Variants in SALL1 observed in about 807,000 individuals in gnomAD.
SALL1 encodes the protein spalt like transcription factor 1, also known as sal-like protein 1.
A neutral mutation model predicts 73.1 loss-of-function variants in SALL1; 10 were observed. That is an observed-to-expected ratio of 0.14 (90% CI 0.08 to 0.23). The LOEUF (loss-of-function observed/expected upper bound fraction) is 0.23. SALL1 is among the 10% of genes least tolerant of loss of function. The probability of loss-of-function intolerance (pLI) is 1.00; values close to 1 mark genes in which losing one functional copy is unlikely to be tolerated. For synonymous variants in SALL1, 688 were observed against 689.8 expected, an observed-to-expected ratio of 1.00 and a Z score of 0.04; for missense variants, 1,520 against 1,697.3, an observed-to-expected ratio of 0.90 and a Z score of 1.84.
Position 51,151,223 on chromosome 16 carries a change from C to A in SALL1, c.19G>T (p.Ala7Ser). The A allele has an allele frequency of 6.2e-7, 1 of 1,601,222 alleles. No homozygotes were observed. Among genetic ancestry groups the A allele is most frequent in the Non-Finnish European group, 8.5e-7 (1 of 1,175,158 alleles). ...TCGGATTGGAAATGTTGAGGCTTCG[C>A]TTGCTTCCTCCGCGACATGCTGGCT... MSRRKQ[A>S]KPQHFQSDPE... Residue 7 changes from alanine (A) to serine (S), a missense_variant, in exon 1 of 3, where the codon GCG becomes TCG. By Grantham distance (99) the Ala-to-Ser change is moderately conservative. Transcript: ENST00000251020.
Position 51,141,730 on chromosome 16 carries a change from G to A in SALL1, c.492C>T (p.Ser164=). 1 of 1,612,762 alleles carries A rather than the reference G, an allele frequency of 6.2e-7. No homozygotes were observed. The highest frequency in any genetic ancestry group is 8.5e-7 in the Non-Finnish European group (1 of 1,179,806). Residue 164 remains serine (S), a synonymous_variant, in exon 2 of 3, where the codon AGC becomes AGT. Coordinates refer to ENST00000251020, the MANE Select transcript of SALL1 (RefSeq NM_002968.3). This position sits in a 1 kb window ranked among gnomAD's most constrained non-coding sequence, Gnocchi z 5.4. The stretch of plus-strand genomic sequence containing the variant: ...TGATCGCTGAGGTACCTGTGGAGGA[G>A]CTGCCGCCGCCGCCGCTGCTGCTGC... ...SSSSSSGGGG[S]SSTGTSAITT...
chr16:51,141,852 A>T lies in SALL1; in HGVS notation c.370T>A (p.Ser124Thr), dbSNP rs762134851. 1.2e-6 allele frequency: 2 copies of T among 1,610,020 alleles called. No individual in the cohort carries two copies. Among genetic ancestry groups the T allele is most frequent in the African/African-American group, 2.7e-5 (2 of 73,374 alleles). The change falls in exon 2 of 3, where the codon TCC becomes ACC. Residue 124 changes from serine (S) to threonine (T), a missense_variant. Coordinates refer to ENST00000251020, the MANE Select transcript of SALL1 (RefSeq NM_002968.3). The surrounding 1 kb of genome is among the most constrained non-coding windows in gnomAD (Gnocchi z 5.4). ...GCAACCGGGGCCTCCACCTCCATGG[A>T]CTCTTCCCTGTCAAGTCCGTTGTGT... ...SEHNGLDREESMEVEAPVANK... is the reference protein window; with the variant it reads ...SEHNGLDREETMEVEAPVANK...
intron 1 of SALL1, among the ~76,000 whole-genome samples, chr16:51,142,686 G>A (rs1217025599): frequency 2.0e-5 from 3 of 152,074 alleles, no homozygotes; most frequent in African/African-American, 4.8e-5. Context: ...ATCACCTCAA[G>A]CCCCTACCTC....
At position 51,140,339 on chromosome 16, in the gene SALL1, C is replaced by G. The variant is rs1308467261; in HGVS notation, c.1883G>C (p.Gly628Ala). 1 of 1,613,982 alleles carries G rather than the reference C, an allele frequency of 6.2e-7. No individual in the cohort carries two copies. Among genetic ancestry groups the G allele is most frequent in the Non-Finnish European group, 8.5e-7 (1 of 1,180,036 alleles). ...PPSGGKSEES[G>A]MVTNSVPTAS... is the part of the protein sequence containing the mutation. ...CGTCGGGACTGAGTTGGTGACCATG[C>G]CACTCTCTTCGCTTTTGCCACCAGA... Residue 628 changes from glycine to alanine, a missense_variant, in exon 2 of 3, where the codon GGC becomes GCC. By Grantham distance (60) the Gly-to-Ala change is moderately conservative (BLOSUM62 0). Transcript: ENST00000251020. The surrounding 1 kb of genome is among the most constrained non-coding windows in gnomAD (Gnocchi z 5.7).
In SALL1 at chr16:51,141,729, A is replaced by AGCTGCCGCCGCCGCC; in HGVS notation, c.478_492dup (p.Gly160_Ser164dup). 6.2e-7 allele frequency: 1 copy of AGCTGCCGCCGCCGCC among 1,612,222 alleles called. No individual in the cohort carries two copies. The highest frequency in any genetic ancestry group is 8.5e-7 in the Non-Finnish European group (1 of 1,179,750). ...GTGATCGCTGAGGTACCTGTGGAGG[A>AGCTGCCGCCGCCGCC]GCTGCCGCCGCCGCCGCTGCTGCTG... On this transcript the variant is annotated inframe_insertion, in exon 2 of 3. Transcript: ENST00000251020. The surrounding 1 kb of genome is among the most constrained non-coding windows in gnomAD (Gnocchi z 5.4).
upstream of SALL1, chr16:51,151,322 C>A: frequency 2.8e-6 from 3 of 1,082,084 alleles, no homozygotes; most frequent in Non-Finnish European, 3.7e-6. Context: ...CGAGCGGCGG[C>A]GGCGGCGGCG....
chr16:51,139,767 C>G lies in SALL1; in HGVS notation c.2455G>C (p.Asp819His). The G allele has an allele frequency of 6.2e-7, 1 of 1,614,180 alleles. No homozygotes were observed. Among genetic ancestry groups the G allele is most frequent in the Non-Finnish European group, 8.5e-7 (1 of 1,180,044 alleles). Reference sequence around the variant, plus strand: ...TCATCAGAGAAGTTGTCTAGGTCATCAAAATTTTTCTCATCAAAGGAACCT... The same window carrying G: ...TCATCAGAGAAGTTGTCTAGGTCATGAAAATTTTTCTCATCAAAGGAACCT... ...DTGSFDEKNF[D>H]DLDNFSDENM... The change falls in exon 2 of 3, where the codon GAT becomes CAT. Residue 819 changes from aspartate to histidine, a missense_variant. Coordinates refer to ENST00000251020, the MANE Select transcript of SALL1 (RefSeq NM_002968.3).
At chr16:51,146,358 G>A (rs149067020) in intron 1 of SALL1, among the ~76,000 whole-genome samples, 2 of 152,244 alleles carry the variant, frequency 1.3e-5, no homozygotes, top group East Asian at 3.9e-4. Context: ...GAATCAAACT[G>A]AACACTAGAT....
chr16:51,144,286 C>T (rs1355802664), intron 1 of SALL1, among the ~76,000 whole-genome samples: 1 of 152,176 alleles, frequency 6.6e-6, no homozygotes, highest in Non-Finnish European at 1.5e-5. Flanking sequence ...TCTACTTTTA[C>T]AGCCAATTAT....
Position 51,138,769 on chromosome 16 carries a change from A to C in SALL1, c.3453T>G (p.Ile1151Met). The change falls in exon 2 of 3, where the codon ATT becomes ATG. Residue 1151 changes from isoleucine (I) to methionine (M), a missense_variant. By Grantham distance (10) the Ile-to-Met change is conservative (BLOSUM62 1). Coordinates refer to ENST00000251020, the MANE Select transcript of SALL1 (RefSeq NM_002968.3). Reference sequence around the variant, plus strand: ...TCTCTCCAGTGTGAGTTCTCTCGTGAATCTGCAGGGCACTCGATGAGGAGA... The same window carrying C: ...TCTCTCCAGTGTGAGTTCTCTCGTGCATCTGCAGGGCACTCGATGAGGAGA... Reference protein sequence around the residue: ...KTFSSSSALQIHERTHTGEKP... With the variant: ...KTFSSSSALQMHERTHTGEKP... 1 of 1,614,204 alleles carries C rather than the reference A, an allele frequency of 6.2e-7. No individual in the cohort carries two copies. Among genetic ancestry groups the C allele is most frequent in the Non-Finnish European group, 8.5e-7 (1 of 1,180,016 alleles).
At chr16:51,151,005 A>T (rs903005400) in intron 1 of SALL1, 161 bp downstream of exon 1, 2 of 451,360 alleles carry the variant, frequency 4.4e-6, no homozygotes, top group African/African-American at 4.1e-5. Flanking sequence ...GCACATTGAA[A>T]ATTAAAAAGA....
Position 51,139,708 on chromosome 16 carries a change from A to G in SALL1, c.2514T>C (p.Pro838=), listed in dbSNP as rs2143441126. The stretch of plus-strand genomic sequence containing the variant: ...AGGCGTCTGCAGACTTAGGTGTATC[A>G]GGGATGCTGCCCTCAGGACAGTCTT... ...NMEDCPEGSI[P]DTPKSADASQ... The change falls in exon 2 of 3, where the codon CCT becomes CCC. Residue 838 remains proline, a synonymous_variant. Transcript: ENST00000251020. 1.2e-6 allele frequency: 2 copies of G among 1,614,246 alleles called. No homozygotes were observed. Among genetic ancestry groups the G allele is most frequent in the Admixed American group, 1.7e-5 (1 of 60,024 alleles).
Position 51,141,874 on chromosome 16 carries a change from G to A in SALL1, c.348C>T (p.His116=), listed in dbSNP as rs1310884690. 1.2e-6 allele frequency: 2 copies of A among 1,613,768 alleles called. No individual in the cohort carries two copies. The change falls in exon 2 of 3, where the codon CAC becomes CAT. Residue 116 remains histidine, a synonymous_variant. Transcript: ENST00000251020. The surrounding 1 kb of genome is among the most constrained non-coding windows in gnomAD (Gnocchi z 5.4). ...DQVDCSDLSE[H]NGLDREESME... ...TGGACTCTTCCCTGTCAAGTCCGTTGTGTTCTGAAAGGTCGCTGCAGTCCA... is the reference window on the plus strand; with the variant it reads ...TGGACTCTTCCCTGTCAAGTCCGTTATGTTCTGAAAGGTCGCTGCAGTCCA...
At chr16:51,144,731 C>T (rs921654274) in intron 1 of SALL1, among the ~76,000 whole-genome samples, 9 of 152,154 alleles carry the variant, frequency 5.9e-5, no homozygotes, top group Admixed American at 4.6e-4. Flanking sequence ...TGTGCTGCCT[C>T]GAGACTCACT....
chr16:51,141,662 T>C lies in SALL1; in HGVS notation c.560A>G (p.Asn187Ser), dbSNP rs766261259. 29 of 1,613,450 alleles carry C rather than the reference T, an allele frequency of 1.8e-5. No individual in the cohort carries two copies. Among genetic ancestry groups the C allele is most frequent in the African/African-American group, 5.3e-5 (4 of 74,868 alleles). Residue 187 changes from asparagine to serine, a missense_variant, in exon 2 of 3, where the codon AAC (asparagine) becomes AGC (serine). Transcript: ENST00000251020. The surrounding 1 kb of genome is among the most constrained non-coding windows in gnomAD (Gnocchi z 5.4). ...GACGTTGCTGTTGATTACGGAGAAG[T>C]TGCCCAGTGTTGTCAGGTCCCCGAG... The part of the protein sequence containing the change: ...PQLGDLTTLG[N>S]FSVINSNVII...
chr16:51,137,715 C>G (rs996999660), intron 2 of SALL1, among the ~76,000 whole-genome samples, 163 bp from the exon 3 acceptor site: 1 of 152,176 alleles, frequency 6.6e-6, no homozygotes, highest in Non-Finnish European at 1.5e-5. Context: ...ACAGTGAAGG[C>G]AACAGGAACC....
At position 51,141,981 on chromosome 16, in the gene SALL1, G is replaced by A. The variant is rs756809352; in HGVS notation, c.241C>T (p.Pro81Ser). 1.2e-6 allele frequency: 2 copies of A among 1,613,934 alleles called. No individual in the cohort carries two copies. Among genetic ancestry groups the A allele is most frequent in the South Asian group, 1.1e-5 (1 of 91,074 alleles). Reference sequence around the variant, plus strand: ...GGGCTGGGGGAGAAGGTTTCGGGTGGGGAGGCTGGATTTTCATTTACGATT... The same window carrying A: ...GGGCTGGGGGAGAAGGTTTCGGGTGAGGAGGCTGGATTTTCATTTACGATT... Reference protein sequence around the residue: ...VLIVNENPASPPETFSPSPPP... With the variant: ...VLIVNENPASSPETFSPSPPP... The change falls in exon 2 of 3, where the codon CCA becomes TCA. Residue 81 changes from proline (P) to serine (S), a missense_variant. Coordinates refer to ENST00000251020, the MANE Select transcript of SALL1 (RefSeq NM_002968.3). The surrounding 1 kb of genome is among the most constrained non-coding windows in gnomAD (Gnocchi z 5.4).
In SALL1 at chr16:51,140,427, C is replaced by T. The variant is rs1422493863; in HGVS notation, c.1795G>A (p.Glu599Lys). 1 of 1,614,012 alleles carries T rather than the reference C, an allele frequency of 6.2e-7. No homozygotes were observed. ...GSVKSDSGGPESATRNLGGLP... is the reference protein window; with the variant it reads ...GSVKSDSGGPKSATRNLGGLP... ...CCACCTAGGTTTCTTGTGGCTGACT[C>T]AGGGCCCCCGGAGTCACTTTTGACT... The change falls in exon 2 of 3, where the codon GAG (glutamate) becomes AAG (lysine). Residue 599 changes from glutamate (E) to lysine (K), a missense_variant. By Grantham distance (56) the Glu-to-Lys change is moderately conservative. Transcript: ENST00000251020. The surrounding 1 kb of genome is among the most constrained non-coding windows in gnomAD (Gnocchi z 5.7).
At chr16:51,151,391 C>G (rs995541118), upstream of SALL1, 129 of 268,894 alleles carry the variant, frequency 4.8e-4, no homozygotes, top group Non-Finnish European at 8.1e-4. Context: ...CCGGGCGCAG[C>G]GCGCATGTGT....
Sources: gnomAD v4.1 joint callset for allele counts (sites outside exome capture counted in the v4.1 genomes callset) on GRCh38, gnomAD v4.1.1 for gene constraint, Gnocchi (gnomAD v3.1) non-coding constraint, MANE v1.5 for transcripts, NCBI Gene and HGNC (gene_info 2026-07-23, HGNC 2026-07-21) for gene names.